CSMD3: variants seen among roughly 807,000 people sequenced by gnomAD.
CSMD3 encodes the protein CUB and Sushi multiple domains 3, also known as CUB and sushi domain-containing protein 3.
A neutral mutation model predicts 435.2 loss-of-function variants in CSMD3; 177 were observed. That is an observed-to-expected ratio of 0.41 (90% CI 0.36 to 0.46). CSMD3 has a LOEUF of 0.46. Among genes scored for constraint, CSMD3 ranks in the 20% least tolerant of loss-of-function variants. The pLI, the probability that CSMD3 is intolerant of heterozygous loss-of-function variation, is 0.34. For synonymous variants in CSMD3, 1,656 were observed against 1,520.5 expected (o/e 1.09, Z -2.07); for missense variants, 4,265 against 4,504.6 (o/e 0.95, Z 1.52).
At chr8:113,041,671 T>G (rs147094829) in intron 5 of CSMD3, among the ~76,000 whole-genome samples, 38 of 152,194 alleles carry the variant, frequency 2.5e-4, no homozygotes, top group Middle Eastern at 6.8e-3. Context: ...TTTCCCCACT[T>G]TATTGTCTTC....
At chr8:113,255,072 A>G (rs1468118853) in intron 3 of CSMD3, among the ~76,000 whole-genome samples, 1 of 152,176 alleles carries the variant, frequency 6.6e-6, no homozygotes, top group Non-Finnish European at 1.5e-5. Flanking sequence ...TTCTCAATTC[A>G]CATACGTTCA....
At chr8:113,097,423 C>T (rs189716209) in intron 5 of CSMD3, among the ~76,000 whole-genome samples, 1 of 152,148 alleles carries the variant, frequency 6.6e-6, no homozygotes, top group East Asian at 1.9e-4. Context: ...ACTTCCTTCT[C>T]TTACCTTTTC....
intron 28 of CSMD3, among the ~76,000 whole-genome samples, chr8:112,507,150 T>C (rs1226392709): frequency 6.6e-6 from 1 of 152,152 alleles, no homozygotes; most frequent in African/African-American, 2.4e-5. Context: ...GTGATAAAGA[T>C]GATTTTCCTC....
chr8:112,594,157 G>A (rs1204924843), intron 22 of CSMD3, among the ~76,000 whole-genome samples: 5 of 152,142 alleles, frequency 3.3e-5, no homozygotes, highest in Non-Finnish European at 7.3e-5. Context: ...GTCAGTGGGT[G>A]CACGCACCGT....
chr8:113,044,341 T>C (rs1033401348), intron 5 of CSMD3, among the ~76,000 whole-genome samples: 1 of 128,526 alleles, frequency 7.8e-6, no homozygotes, highest in African/African-American at 2.5e-5. Flanking sequence ...TAAAGGAATG[T>C]TACTGTCTTC....
At chr8:112,636,259 GCT>G (rs1263744712) in intron 22 of CSMD3, among the ~76,000 whole-genome samples, 1 of 151,808 alleles carries the variant, frequency 6.6e-6, no homozygotes, top group Non-Finnish European at 1.5e-5. Flanking sequence ...TGAATGAATA[GCT>G]CTCTTAATTT....
chr8:113,425,131 T>G (rs1472462981), intron 1 of CSMD3, among the ~76,000 whole-genome samples: 2 of 151,500 alleles, frequency 1.3e-5, no homozygotes, highest in Non-Finnish European at 3.0e-5. Context: ...GTTCTAGAAC[T>G]GATAAGTAAC....
Position 112,272,036 on chromosome 8 carries a change from C to T in CSMD3, c.9509-6446G>A, listed in dbSNP as rs144083526. Among the ~76,000 whole-genome samples the T allele has an allele frequency of 3.9e-5, 6 of 152,232 alleles. No homozygotes were observed. In the East Asian group the frequency reaches 9.7e-4, roughly 25 times the overall value. ...CTCTTTCACCTTCTGCCAGTCAGGG[C>T]GTAACATGCACCCCTTTTGTCATGT... On this transcript the variant is annotated intron_variant, in intron 59 of 70. Coordinates refer to ENST00000297405, the MANE Select transcript of CSMD3 (RefSeq NM_198123.2).
At chr8:112,344,322 C>T (rs7012300) in intron 41 of CSMD3, among the ~76,000 whole-genome samples, 59,771 of 152,054 alleles carry the variant, frequency 0.39, 13,331 homozygotes, top group Middle Eastern at 0.53. Flanking sequence ...ATACATTTTA[C>T]TGTCTCCTCA....
At chr8:113,420,450 T>G (rs1451290826) in intron 1 of CSMD3, among the ~76,000 whole-genome samples, 1 of 152,158 alleles carries the variant, frequency 6.6e-6, no homozygotes, top group East Asian at 1.9e-4. Flanking sequence ...CACAGTGGAA[T>G]GCCCCTCCTT....
intron 1 of CSMD3, among the ~76,000 whole-genome samples, chr8:113,345,011 A>C (rs1293428519): frequency 6.6e-6 from 1 of 152,048 alleles, no homozygotes; most frequent in Non-Finnish European, 1.5e-5. Flanking sequence ...CCTCACTTTC[A>C]TACTGTTGCC....
intron 13 of CSMD3, among the ~76,000 whole-genome samples, chr8:112,747,834 GCGC>G (rs2077470528): frequency 1.3e-5 from 2 of 151,922 alleles, no homozygotes; most frequent in Non-Finnish European, 2.9e-5. Flanking sequence ...GCAGTGGCGG[GCGC>G]CTATAGTCCC....
intron 6 of CSMD3, among the ~76,000 whole-genome samples, chr8:112,998,390 T>G (rs986728211): frequency 6.6e-6 from 1 of 151,920 alleles, no homozygotes; most frequent in Non-Finnish European, 1.5e-5. Context: ...AACCATTATT[T>G]TCTCTTATTC....
At chr8:112,949,195 G>A (rs531103930) in intron 8 of CSMD3, among the ~76,000 whole-genome samples, 6 of 152,072 alleles carry the variant, frequency 3.9e-5, no homozygotes, top group South Asian at 2.1e-4. Flanking sequence ...GCTATCAGAC[G>A]ACTGCCCAAC....
At chr8:112,926,957 T>G (rs2082930780) in intron 9 of CSMD3, among the ~76,000 whole-genome samples, 2 of 152,160 alleles carry the variant, frequency 1.3e-5, no homozygotes, top group Non-Finnish European at 1.5e-5. Context: ...AAATTATCAC[T>G]GTACAAATAG....
intron 3 of CSMD3, among the ~76,000 whole-genome samples, chr8:113,204,270 G>A (rs1283133180): frequency 6.6e-6 from 1 of 152,078 alleles, no homozygotes. Flanking sequence ...CTAAGGAAGA[G>A]CCAGAGAGCT....
At chr8:112,646,659 A>G (rs1475251077) in intron 19 of CSMD3, among the ~76,000 whole-genome samples, 85 of 152,190 alleles carry the variant, frequency 5.6e-4, no homozygotes, top group Non-Finnish European at 4.4e-5. Flanking sequence ...CTAATATAAC[A>G]AACATTCGTA....
At chr8:113,182,680 G>A (rs1388992776) in intron 3 of CSMD3, among the ~76,000 whole-genome samples, 4 of 152,030 alleles carry the variant, frequency 2.6e-5, no homozygotes, top group Non-Finnish European at 5.9e-5. Flanking sequence ...GGCCATCAGG[G>A]ACTCAGTTTG....
intron 31 of CSMD3, among the ~76,000 whole-genome samples, chr8:112,491,483 C>G (rs1419957030): frequency 2.0e-5 from 3 of 151,930 alleles, no homozygotes; most frequent in Non-Finnish European, 4.4e-5. Flanking sequence ...TGCAAAAACT[C>G]TACTAAAAAT....
Sources: allele counts gnomAD v4.1 joint callset (sites outside exome capture counted in the v4.1 genomes callset), GRCh38; gene constraint gnomAD v4.1.1; transcripts MANE v1.5; gene names NCBI Gene and HGNC (gene_info 2026-07-23, HGNC 2026-07-21).